The following FBXW7 variants were observed in gnomAD, a reference collection of about 807,000 sequenced individuals.
FBXW7 encodes F-box and WD repeat domain containing 7.
Under a neutral mutation model 86.3 loss-of-function variants are expected in FBXW7, and 11 were observed. That is an observed-to-expected ratio of 0.13 (90% CI 0.08 to 0.21). The LOEUF is 0.21. Ranked by LOEUF, FBXW7 falls within the 10% of genes least tolerant of loss-of-function variation. The probability of loss-of-function intolerance (pLI) is 1.00; values close to 1 mark genes in which losing one functional copy is unlikely to be tolerated. For missense variants in FBXW7, 488 were observed against 847.4 expected (o/e 0.58, Z 5.27); for synonymous variants, 313 against 297.9 (o/e 1.05, Z -0.52).
chr4:152,523,539 T>G (rs920689424), intron 2 of FBXW7, among the ~76,000 whole-genome samples: 6 of 152,128 alleles, frequency 3.9e-5, no homozygotes, highest in African/African-American at 1.4e-4. Context: ...ATACAAGTTT[T>G]GGGGACTGAA....
At chr4:152,533,266 T>C (rs1330060485) in intron 2 of FBXW7, among the ~76,000 whole-genome samples, 1 of 152,192 alleles carries the variant, frequency 6.6e-6, no homozygotes, top group African/African-American at 2.4e-5. Flanking sequence ...TAAGCAACTT[T>C]GACAGAGTGC....
Position 152,535,667 on chromosome 4 carries a change from C to T in FBXW7, c.-753G>A, listed in dbSNP as rs1579464402. ...CATGTGTCGCTGCGGCTGGGACCCC[C>T]CTCCCTACACCTTGGGGGTCTCGCC... On this transcript the variant is annotated 5_prime_UTR_variant, in exon 1 of 14. Transcript: ENST00000281708. 5.0e-6 allele frequency: 2 copies of T among 396,326 alleles called. No individual in the cohort carries two copies. The highest frequency in any genetic ancestry group is 7.2e-5 in the East Asian group (2 of 27,940). 24.6% of individuals were successfully genotyped at this position (396,326 alleles called of 1,614,324 possible).
intron 4 of FBXW7, among the ~76,000 whole-genome samples, chr4:152,388,466 G>T (rs986162248): frequency 2.0e-5 from 3 of 152,092 alleles, no homozygotes; most frequent in South Asian, 2.1e-4. Context: ...ATAAGGTATT[G>T]TAACTGCTCT....
At chr4:152,521,125 G>A (rs1748975057) in intron 2 of FBXW7, among the ~76,000 whole-genome samples, 1 of 152,076 alleles carries the variant, frequency 6.6e-6, no homozygotes, top group South Asian at 2.1e-4. Context: ...GGTACTTGGG[G>A]GAGCAGGTGT....
At position 152,350,132 on chromosome 4, in the gene FBXW7, G is replaced by A. The variant is rs2126650185; in HGVS notation, c.502-8C>T. The A allele has an allele frequency of 2.7e-6, 4 of 1,509,188 alleles. No homozygotes were observed. The highest frequency in any genetic ancestry group is 3.6e-6 in the Non-Finnish European group (4 of 1,115,130). 93.5% of individuals were successfully genotyped at this position (1,509,188 alleles called of 1,614,324 possible). On this transcript the variant is annotated splice_region_variant and splice_polypyrimidine_tract_variant and intron_variant, in intron 4 of 13. Coordinates refer to ENST00000281708, the MANE Select transcript of FBXW7 (RefSeq NM_001349798.2). ...GTCCAACTTTCTTTTCATCTATAAG[G>A]TAAAACAAACAAGATATGTTTTTTA...
intron 2 of FBXW7, among the ~76,000 whole-genome samples, chr4:152,523,840 C>T (rs1001613972): frequency 2.0e-5 from 3 of 152,158 alleles, no homozygotes; most frequent in Admixed American, 6.5e-5. Flanking sequence ...TTTGTCTCTC[C>T]TAACCAGAAA....
intron 4 of FBXW7, among the ~76,000 whole-genome samples, chr4:152,363,439 TTG>T (rs1470199851): frequency 1.3e-5 from 2 of 152,096 alleles, no homozygotes; most frequent in Non-Finnish European, 2.9e-5. Flanking sequence ...ACAAATCCAT[TTG>T]ACTAATAAGT....
At chr4:152,515,071 C>T (rs1275561736) in intron 2 of FBXW7, among the ~76,000 whole-genome samples, 1 of 152,112 alleles carries the variant, frequency 6.6e-6, no homozygotes, top group African/African-American at 2.4e-5. Context: ...GAAAAGTTAT[C>T]TTAGGCAAAA....
chr4:152,463,930 A>C (rs1029762582), intron 2 of FBXW7, among the ~76,000 whole-genome samples: 2 of 152,242 alleles, frequency 1.3e-5, no homozygotes, highest in Non-Finnish European at 2.9e-5. Flanking sequence ...AAAACCATTA[A>C]GGTTTATTAC....
At chr4:152,498,895 C>T (rs1445949741) in intron 2 of FBXW7, among the ~76,000 whole-genome samples, 3 of 152,100 alleles carry the variant, frequency 2.0e-5, no homozygotes, top group Non-Finnish European at 4.4e-5. Context: ...AAGTGCTTGA[C>T]AATTTTTAGA....
At chr4:152,360,389 T>C (rs578203848) in intron 4 of FBXW7, among the ~76,000 whole-genome samples, 3 of 152,302 alleles carry the variant, frequency 2.0e-5, no homozygotes, top group African/African-American at 4.8e-5. Flanking sequence ...AAAACATTCA[T>C]TGAAATTGTA....
chr4:152,331,458 C>T (rs1260954886), intron 8 of FBXW7, among the ~76,000 whole-genome samples: 2 of 151,972 alleles, frequency 1.3e-5, no homozygotes, highest in Non-Finnish European at 2.9e-5. Context: ...GTGAAATAAG[C>T]TGATTACAAA....
chr4:152,512,427 G>A (rs1364130834), intron 2 of FBXW7, among the ~76,000 whole-genome samples: 1 of 152,174 alleles, frequency 6.6e-6, no homozygotes, highest in African/African-American at 2.4e-5. Flanking sequence ...TGATAAGAAT[G>A]GAGGACGATA....
intron 4 of FBXW7, among the ~76,000 whole-genome samples, chr4:152,371,033 A>C (rs952779026): frequency 6.6e-6 from 1 of 151,960 alleles, no homozygotes; most frequent in Non-Finnish European, 1.5e-5. Context: ...ATCAGCAGGT[A>C]CTTGTGAAAG....
chr4:152,396,163 G>A (rs1736403202), intron 4 of FBXW7, among the ~76,000 whole-genome samples: 1 of 151,820 alleles, frequency 6.6e-6, no homozygotes, highest in Admixed American at 6.6e-5. Context: ...ACAGGTGTAT[G>A]ATATTCTAGA....
chr4:152,384,599 T>C (rs1005615910), intron 4 of FBXW7, among the ~76,000 whole-genome samples: 1 of 151,948 alleles, frequency 6.6e-6, no homozygotes, highest in African/African-American at 2.4e-5. Flanking sequence ...AGATGGATAG[T>C]GGTAATGGTT....
intron 6 of FBXW7, chr4:152,338,150 A>G (rs1278264612): frequency 1.4e-5 from 5 of 368,044 alleles, no homozygotes; most frequent in Non-Finnish European, 2.4e-5. Context: ...AAGGTTAAAA[A>G]AAAACATGTT....
intron 2 of FBXW7, among the ~76,000 whole-genome samples, chr4:152,490,540 A>G (rs531222711): frequency 5.3e-5 from 8 of 152,246 alleles, no homozygotes; most frequent in African/African-American, 1.9e-4. Context: ...CAAAAAGCAG[A>G]TAACTCAAAA....
intron 2 of FBXW7, among the ~76,000 whole-genome samples, chr4:152,447,908 T>G (rs1741557114): frequency 6.6e-6 from 1 of 152,216 alleles, no homozygotes; most frequent in African/African-American, 2.4e-5. Context: ...AACTCTCATA[T>G]TTTAGAGATA....
Sources: gnomAD v4.1 joint callset for allele counts (sites outside exome capture counted in the v4.1 genomes callset) on GRCh38, gnomAD v4.1.1 for gene constraint, MANE v1.5 for transcripts, NCBI Gene and HGNC (gene_info 2026-07-23, HGNC 2026-07-21) for gene names.